PIEZO2: variants seen among roughly 807,000 people sequenced by gnomAD.
The protein encoded by PIEZO2 is piezo-type mechanosensitive ion channel component 2.
PIEZO2 carries 172 observed loss-of-function variants against 337.3 expected under a neutral mutation model. That is an observed-to-expected ratio of 0.51 (90% CI 0.45 to 0.58). The LOEUF (loss-of-function observed/expected upper bound fraction) is 0.58. Among genes scored for constraint, PIEZO2 ranks in the 20% least tolerant of loss-of-function variants. The pLI is 0.00. For missense variants in PIEZO2, 3,028 were observed against 3,391.3 expected (o/e 0.89, Z 2.66); for synonymous variants, 1,251 against 1,228.5 (o/e 1.02, Z -0.38).
chr18:10,972,164 C>A, intron 3 of PIEZO2, among the ~76,000 whole-genome samples: 1 of 120,500 alleles, frequency 8.3e-6, no homozygotes, highest in African/African-American at 3.0e-5. Context: ...CAGAGCGAGA[C>A]TCCGCCTCAA....
At chr18:10,995,931 TA>T (rs1314718580) in intron 2 of PIEZO2, among the ~76,000 whole-genome samples, 2 of 152,122 alleles carry the variant, frequency 1.3e-5, no homozygotes, top group African/African-American at 4.8e-5. Context: ...GTGATTGCTA[TA>T]AAAAAATGAA....
intron 2 of PIEZO2, among the ~76,000 whole-genome samples, chr18:11,054,272 T>C (rs1016131962): frequency 6.6e-6 from 1 of 152,212 alleles, no homozygotes; most frequent in Non-Finnish European, 1.5e-5. Flanking sequence ...TTTCTTTAAT[T>C]ACTCATGATC....
At chr18:10,718,160 T>C (rs1567980787) in intron 37 of PIEZO2, 40 bp downstream of exon 37, 1 of 1,500,016 alleles carries the variant, frequency 6.7e-7, no homozygotes, top group Non-Finnish European at 9.0e-7. Flanking sequence ...GGTATCATTT[T>C]CAAAGTTCCC....
At chr18:10,926,741 T>A (rs181518211) in intron 3 of PIEZO2, among the ~76,000 whole-genome samples, 1 of 152,306 alleles carries the variant, frequency 6.6e-6, no homozygotes, top group African/African-American at 2.4e-5. Context: ...AGGATCAGCC[T>A]GCCAAGGGTG....
chr18:10,851,155 CTT>C (rs10592305), intron 7 of PIEZO2, among the ~76,000 whole-genome samples: 35,553 of 127,590 alleles, frequency 0.28, 4,119 homozygotes, highest in African/African-American at 0.36. Context: ...TTTCTTTTAT[CTT>C]TTTTTTTTTT....
At chr18:10,957,295 G>T (rs1360869497) in intron 3 of PIEZO2, among the ~76,000 whole-genome samples, 2 of 151,976 alleles carry the variant, frequency 1.3e-5, no homozygotes, top group African/African-American at 2.4e-5. Flanking sequence ...TACTTGGGGG[G>T]CTGAGGTAAG....
Position 11,018,158 on chromosome 18 carries a change from C to T in PIEZO2, c.161-38498G>A, listed in dbSNP as rs373499925. On this transcript the variant is annotated intron_variant, in intron 2 of 55. Coordinates refer to ENST00000674853, the MANE Select transcript of PIEZO2 (RefSeq NM_001378183.1). ...CATCCACAGTGGTCCTTGCTTGCAG[C>T]TGCATTACTCCGGTTCCTGCCTCAG... Among the ~76,000 whole-genome samples, 121 of 151,634 alleles carry T rather than the reference C, an allele frequency of 8.0e-4. 2 individuals are homozygous for T. The highest frequency in any genetic ancestry group is 2.9e-3 in the African/African-American group (118 of 41,316).
intron 3 of PIEZO2, among the ~76,000 whole-genome samples, chr18:10,968,741 A>C (rs1045918350): frequency 6.6e-6 from 1 of 152,244 alleles, no homozygotes; most frequent in African/African-American, 2.4e-5. Context: ...ACAGTTGTTT[A>C]TAATGCATTA....
intron 1 of PIEZO2, among the ~76,000 whole-genome samples, chr18:11,130,529 C>T (rs779897465): frequency 6.6e-6 from 1 of 152,224 alleles, no homozygotes; most frequent in Non-Finnish European, 1.5e-5. Context: ...AGATATCAAA[C>T]TGGTCCATTA....
At chr18:10,925,857 C>T (rs1598699966) in intron 3 of PIEZO2, among the ~76,000 whole-genome samples, 1 of 151,914 alleles carries the variant, frequency 6.6e-6, no homozygotes, top group East Asian at 2.0e-4. Flanking sequence ...CATGAGTCAC[C>T]GCGCCTGGCC....
intron 2 of PIEZO2, among the ~76,000 whole-genome samples, chr18:10,983,121 T>G (rs1320472216): frequency 6.6e-6 from 1 of 152,158 alleles, no homozygotes; most frequent in Admixed American, 6.5e-5. Context: ...CCAGTTTATT[T>G]ATATTAACTT....
rs118082581 is a variant in PIEZO2 at position 10,773,990 on chromosome 18, T to A, written c.2567+16A>T. The A allele has an allele frequency of 3.3e-3, 2,312 of 703,096 alleles. 9 individuals are homozygous for A. Among genetic ancestry groups the A allele is most frequent in the Non-Finnish European group, 4.3e-3 (1,649 of 385,010 alleles). The allele number at this position is 703,096 out of a possible 1,614,324, so 43.6% of individuals were successfully genotyped here. A position where few individuals can be genotyped will look rare whatever the true frequency, so the allele number is the denominator to read the frequency against. On this transcript the variant is annotated intron_variant, in intron 19 of 55. Transcript: ENST00000674853. This position sits in a 1 kb window ranked among gnomAD's most constrained non-coding sequence, Gnocchi z 5.3. ...CATGTAGAGCAAGCATTTCATGGCT[T>A]CACAGGGGGACTTACTCATTTTGGT... is the stretch of plus-strand genomic sequence containing the variant.
Position 10,962,231 on chromosome 18 carries a change from C to T in PIEZO2, c.286+17304G>A, listed in dbSNP as rs2033811966. Among the ~76,000 whole-genome samples, 1 of 152,206 alleles carries T rather than the reference C, an allele frequency of 6.6e-6. No homozygotes were observed. The highest frequency in any genetic ancestry group is 1.5e-5 in the Non-Finnish European group (1 of 68,042). On this transcript the variant is annotated intron_variant, in intron 3 of 55. Transcript: ENST00000674853. The surrounding 1 kb of genome is among the most constrained non-coding windows in gnomAD (Gnocchi z 4.1). ...AAATAATGCAAAACGATGGTGATCC[C>T]AGGCTACACTGGCAACAGGTTAAAT...
intron 2 of PIEZO2, among the ~76,000 whole-genome samples, chr18:11,000,982 G>C (rs927472204): frequency 5.3e-5 from 8 of 152,174 alleles, no homozygotes; most frequent in African/African-American, 1.2e-4. Context: ...AACATGGGCT[G>C]TCCCCAGACA....
chr18:10,998,218 C>T (rs193194594), intron 2 of PIEZO2, among the ~76,000 whole-genome samples: 1 of 152,050 alleles, frequency 6.6e-6, no homozygotes, highest in Non-Finnish European at 1.5e-5. Context: ...GAAAATTAAC[C>T]TGCTATCAAA....
chr18:10,690,395 A>C (rs2034759535), intron 48 of PIEZO2, among the ~76,000 whole-genome samples: 1 of 152,156 alleles, frequency 6.6e-6, no homozygotes. Context: ...ACTGACACAG[A>C]GCTTCTCCCA....
chr18:11,133,863 CCTCT>C (rs202104722), intron 1 of PIEZO2, among the ~76,000 whole-genome samples: 1 of 150,974 alleles, frequency 6.6e-6, no homozygotes, highest in East Asian at 1.9e-4. Flanking sequence ...TTAATAAACT[CCTCT>C]CTCTCTATAT....
Position 10,748,653 on chromosome 18 carries a change from C to T in PIEZO2, c.4265-23G>A. ...CAGCTATAGTAACAGTAGAAAAACA[C>T]ACATTAAAATTAACATCCATTTTCA... On this transcript the variant is annotated intron_variant, in intron 29 of 55. Transcript: ENST00000674853. This position sits in a 1 kb window ranked among gnomAD's most constrained non-coding sequence, Gnocchi z 5.1. 1 of 1,411,088 alleles carries T rather than the reference C, an allele frequency of 7.1e-7. No homozygotes were observed. Among genetic ancestry groups the T allele is most frequent in the Non-Finnish European group, 9.2e-7 (1 of 1,086,654 alleles). 87.4% of individuals were successfully genotyped at this position (1,411,088 alleles called of 1,614,324 possible). A position where few individuals can be genotyped will look rare whatever the true frequency, so the allele number is the denominator to read the frequency against.
In PIEZO2 at chr18:11,083,038, T is replaced by A. The variant is rs1344410836; in HGVS notation, c.65-16816A>T. 6.6e-6 allele frequency among the ~76,000 whole-genome samples: 1 copy of A among 152,202 alleles called. No homozygotes were observed. The highest frequency in any genetic ancestry group is 1.5e-5 in the Non-Finnish European group (1 of 68,034). ...TTTCACAGAAGTTGCCTTATGGATG[T>A]GGACATCACCTCTTGATTCTGCAGA... On this transcript the variant is annotated intron_variant, in intron 1 of 55. Transcript: ENST00000674853. This position sits in a 1 kb window ranked among gnomAD's most constrained non-coding sequence, Gnocchi z 4.4.
Sources: gnomAD v4.1 joint callset for allele counts (sites outside exome capture counted in the v4.1 genomes callset) on GRCh38, gnomAD v4.1.1 for gene constraint, Gnocchi (gnomAD v3.1) non-coding constraint, MANE v1.5 for transcripts, NCBI Gene and HGNC (gene_info 2026-07-23, HGNC 2026-07-21) for gene names.